Variants in DCC observed in about 807,000 individuals in gnomAD.
DCC encodes the protein DCC netrin 1 receptor, also known as netrin receptor DCC.
DCC carries 58 observed loss-of-function variants against 172.5 expected under a neutral mutation model. The observed-to-expected ratio is 0.34, with a 90% CI of 0.27 to 0.42. The LOEUF is 0.42. DCC is among the 10% of genes least tolerant of loss of function. DCC has a pLI of 1.00. For missense variants in DCC, 1,740 were observed against 1,791.0 expected, an observed-to-expected ratio of 0.97 and a Z score of 0.51; for synonymous variants, 709 against 644.5, an observed-to-expected ratio of 1.10 and a Z score of -1.52.
chr18:52,448,483 T>C (rs981027862), intron 1 of DCC, among the ~76,000 whole-genome samples: 36 of 152,150 alleles, frequency 2.4e-4, no homozygotes, highest in Non-Finnish European at 8.8e-5. Flanking sequence ...AATTATTGGC[T>C]AAGCATTTTG....
At chr18:53,225,863 TG>T (rs2056019364) in intron 12 of DCC, among the ~76,000 whole-genome samples, 1 of 152,146 alleles carries the variant, frequency 6.6e-6, no homozygotes, top group African/African-American at 2.4e-5. Context: ...TTATTCAGTT[TG>T]ATGTTTTTCC....
chr18:52,831,389 G>C (rs930326874), intron 2 of DCC, among the ~76,000 whole-genome samples: 1 of 152,122 alleles, frequency 6.6e-6, no homozygotes, highest in Non-Finnish European at 1.5e-5. Context: ...ACATCGTTCT[G>C]GCTGCTGTGT....
At chr18:52,890,642 A>G (rs2039634728) in intron 2 of DCC, among the ~76,000 whole-genome samples, 1 of 152,144 alleles carries the variant, frequency 6.6e-6, no homozygotes, top group Non-Finnish European at 1.5e-5. Flanking sequence ...CTCTGTTGGT[A>G]TCTTAATAGA....
rs78874645 is a variant in DCC at position 53,122,165 on chromosome 18, C to G, written c.1262-35191C>G. On this transcript the variant is annotated intron_variant, in intron 7 of 28. Coordinates refer to ENST00000442544, the MANE Select transcript of DCC (RefSeq NM_005215.4). ...GTTTTCAGGTTGGCTTGCATATAAA[C>G]TAAATCTAAGAGATTGCTTGAGAAA... is the stretch of plus-strand genomic sequence containing the variant. Among the ~76,000 whole-genome samples, 1,216 of 152,082 alleles carry G rather than the reference C, an allele frequency of 8.0e-3. 16 individuals are homozygous for G. Among genetic ancestry groups the G allele is most frequent in the Middle Eastern group, 0.01 (3 of 294 alleles).
chr18:52,366,053 A>G (rs1326899166), intron 1 of DCC, among the ~76,000 whole-genome samples: 1 of 152,190 alleles, frequency 6.6e-6, no homozygotes, highest in Non-Finnish European at 1.5e-5. Context: ...CTTGAATTTT[A>G]TGCATTTTAC....
intron 1 of DCC, among the ~76,000 whole-genome samples, chr18:52,597,676 C>A (rs1478920889): frequency 1.3e-5 from 2 of 151,996 alleles, no homozygotes; most frequent in East Asian, 1.9e-4. Context: ...AGTCAGGAAC[C>A]AGAGGAAACT....
At chr18:52,564,820 C>T (rs1019608669) in intron 1 of DCC, among the ~76,000 whole-genome samples, 18 of 151,984 alleles carry the variant, frequency 1.2e-4, no homozygotes, top group African/African-American at 4.1e-4. Context: ...GTAGGAGGAG[C>T]TCTTTGTAGT....
intron 1 of DCC, among the ~76,000 whole-genome samples, chr18:52,409,559 G>A (rs995669610): frequency 3.9e-5 from 6 of 152,154 alleles, no homozygotes; most frequent in African/African-American, 1.4e-4. Context: ...CTGGGTCCAT[G>A]TCCCAACTTA....
At chr18:53,077,203 A>ATG (rs997304753) in intron 7 of DCC, among the ~76,000 whole-genome samples, 31 of 151,888 alleles carry the variant, frequency 2.0e-4, no homozygotes, top group South Asian at 1.7e-3. Flanking sequence ...CCTTGTTCAC[A>ATG]TGTATATATA....
intron 1 of DCC, among the ~76,000 whole-genome samples, chr18:52,534,081 C>A (rs925030377): frequency 6.6e-6 from 1 of 152,032 alleles, no homozygotes; most frequent in East Asian, 1.9e-4. Context: ...TATGGATATA[C>A]CACATTTGGT....
At chr18:52,407,001 G>T (rs1986676831) in intron 1 of DCC, among the ~76,000 whole-genome samples, 1 of 142,400 alleles carries the variant, frequency 7.0e-6, no homozygotes, top group African/African-American at 2.5e-5. Context: ...TCACCATGTT[G>T]TTTTGTCTCT....
At chr18:52,956,666 G>A (rs905522644) in intron 5 of DCC, among the ~76,000 whole-genome samples, 1 of 151,990 alleles carries the variant, frequency 6.6e-6, no homozygotes, top group African/African-American at 2.4e-5. Context: ...GATTCACATG[G>A]ACTCTATAGA....
At chr18:53,004,079 T>C (rs1004200584) in intron 5 of DCC, among the ~76,000 whole-genome samples, 2 of 152,202 alleles carry the variant, frequency 1.3e-5, no homozygotes, top group Admixed American at 6.6e-5. Context: ...TCATTTATTA[T>C]GTTGTATAAA....
chr18:53,431,399 G>A (rs1270117938), intron 21 of DCC, among the ~76,000 whole-genome samples: 1 of 151,100 alleles, frequency 6.6e-6, no homozygotes, highest in African/African-American at 2.4e-5. Context: ...AGAAAATATG[G>A]GTACATAGTA....
At chr18:52,828,395 A>C (rs1340066731) in intron 2 of DCC, among the ~76,000 whole-genome samples, 1 of 152,006 alleles carries the variant, frequency 6.6e-6, no homozygotes, top group Non-Finnish European at 1.5e-5. Flanking sequence ...ACCAAAAGAC[A>C]CTTACAACCC....
At chr18:52,522,385 T>C (rs1385830181) in intron 1 of DCC, among the ~76,000 whole-genome samples, 1 of 152,152 alleles carries the variant, frequency 6.6e-6, no homozygotes, top group Non-Finnish European at 1.5e-5. Context: ...AGGTGTAGTA[T>C]CTTAGTGCTG....
chr18:52,626,069 T>G (rs373504473), intron 1 of DCC, among the ~76,000 whole-genome samples: 17 of 152,310 alleles, frequency 1.1e-4, no homozygotes, highest in African/African-American at 4.1e-4. Flanking sequence ...ACATTACATG[T>G]CATTTAGAAG....
At chr18:53,010,421 A>G (rs1207899469) in intron 5 of DCC, among the ~76,000 whole-genome samples, 4 of 151,704 alleles carry the variant, frequency 2.6e-5, no homozygotes, top group Non-Finnish European at 4.4e-5. Flanking sequence ...GCATATTTAG[A>G]TTTCAATCTA....
At chr18:52,530,712 C>G (rs982830618) in intron 1 of DCC, among the ~76,000 whole-genome samples, 4 of 151,954 alleles carry the variant, frequency 2.6e-5, no homozygotes, top group African/African-American at 9.7e-5. Flanking sequence ...TATCTTTATC[C>G]CAAAGCATTT....
Sources: gnomAD v4.1 joint callset for allele counts (sites outside exome capture counted in the v4.1 genomes callset) on GRCh38, gnomAD v4.1.1 for gene constraint, MANE v1.5 for transcripts, NCBI Gene and HGNC (gene_info 2026-07-23, HGNC 2026-07-21) for gene names.